CACNA1H: variants seen among roughly 807,000 people sequenced by gnomAD.
The protein encoded by CACNA1H is calcium voltage-gated channel subunit alpha1 H, also known as voltage-dependent T-type calcium channel subunit alpha-1H.
Under a neutral mutation model 192.5 loss-of-function variants are expected in CACNA1H, and 149 were observed. That is an observed-to-expected ratio of 0.77 (90% CI 0.68 to 0.89). The LOEUF (loss-of-function observed/expected upper bound fraction) is 0.89. Ranked by LOEUF, CACNA1H falls within the 40% of genes least tolerant of loss-of-function variation. The pLI is 0.00. For missense variants in CACNA1H, 4,257 were observed against 3,423.5 expected (o/e 1.24, Z -6.08); for synonymous variants, 2,202 against 1,475.2 (o/e 1.49, Z -11.29).
chr16:1,190,297 T>C (rs1207013255), intron 2 of CACNA1H, among the ~76,000 whole-genome samples: 2 of 152,258 alleles, frequency 1.3e-5, no homozygotes, highest in African/African-American at 2.4e-5. Context: ...CTAAAGGAAT[T>C]TTTAATTAAA....
In CACNA1H at chr16:1,175,726, C is replaced by G. The variant is rs181863015; in HGVS notation, c.300-19246C>G. 7.0e-3 allele frequency among the ~76,000 whole-genome samples: 1,060 copies of G among 152,280 alleles called. 5 individuals carry two copies. Among genetic ancestry groups the G allele is most frequent in the Non-Finnish European group, 0.011 (771 of 68,012 alleles). On this transcript the variant is annotated intron_variant, in intron 2 of 34. Coordinates refer to ENST00000348261, the MANE Select transcript of CACNA1H (RefSeq NM_021098.3). ...CAGATCTCCTTCCTAGAGGAAGATC[C>G]TGGGAGTGGGTTTTGAGGGCTGCGT...
At chr16:1,200,675 G>C (rs757874585) in intron 7 of CACNA1H, 41 bp from the exon 8 acceptor site, 1 of 1,571,386 alleles carries the variant, frequency 6.4e-7, no homozygotes. Context: ...GGAGGAGGAG[G>C]AGGGGTCGTG....
chr16:1,201,643 C>T lies in CACNA1H; in HGVS notation c.1213-20C>T, dbSNP rs543889283. Reference sequence around the variant, plus strand: ...AGACTCGCTCACTCACTGCCACTTACCCGCCCGCCCCCGTCACAGGTGGGC... The same window carrying T: ...AGACTCGCTCACTCACTGCCACTTATCCGCCCGCCCCCGTCACAGGTGGGC... On this transcript the variant is annotated intron_variant, in intron 8 of 34. Coordinates refer to ENST00000348261, the MANE Select transcript of CACNA1H (RefSeq NM_021098.3). 6.4e-7 allele frequency: 1 copy of T among 1,551,016 alleles called. No individual in the cohort carries two copies. The highest frequency in any genetic ancestry group is 8.7e-7 in the Non-Finnish European group (1 of 1,147,058).
At chr16:1,203,835 A>C (rs1014869485) in intron 9 of CACNA1H, among the ~76,000 whole-genome samples, 175 bp from the exon 10 acceptor site, 1 of 152,062 alleles carries the variant, frequency 6.6e-6, no homozygotes, top group Non-Finnish European at 1.5e-5. Context: ...AACCCATGAC[A>C]CCTGCAAAGA....
intron 2 of CACNA1H, among the ~76,000 whole-genome samples, chr16:1,155,342 C>T (rs1003014633): frequency 6.6e-6 from 1 of 152,176 alleles, no homozygotes; most frequent in African/African-American, 2.4e-5. Context: ...TGGGTGTCCC[C>T]GGGAGCCGAG....
chr16:1,187,504 C>T (rs1026999288), intron 2 of CACNA1H, among the ~76,000 whole-genome samples: 9 of 152,238 alleles, frequency 5.9e-5, no homozygotes, highest in East Asian at 3.8e-4. Context: ...CGCTTGTGCC[C>T]AGCTGTTGCA....
At chr16:1,197,777 C>A (rs920315016) in intron 5 of CACNA1H, among the ~76,000 whole-genome samples, 1 of 152,196 alleles carries the variant, frequency 6.6e-6, no homozygotes, top group Non-Finnish European at 1.5e-5. Context: ...GAGAACTCAG[C>A]GTCCCCAGGT....
intron 2 of CACNA1H, among the ~76,000 whole-genome samples, chr16:1,163,073 C>T (rs983209920): frequency 1.3e-5 from 2 of 152,232 alleles, no homozygotes; most frequent in African/African-American, 2.4e-5. Context: ...GTCCCTCACT[C>T]GTCACCCAGC....
intron 2 of CACNA1H, among the ~76,000 whole-genome samples, chr16:1,165,853 C>T (rs1963711540): frequency 6.6e-6 from 1 of 152,230 alleles, no homozygotes; most frequent in African/African-American, 2.4e-5. Context: ...GGAGCTGGTT[C>T]CTCTGCTCCC....
In CACNA1H at chr16:1,188,262, G is replaced by A. The variant is rs370653187; in HGVS notation, c.300-6710G>A. On this transcript the variant is annotated intron_variant, in intron 2 of 34. Transcript: ENST00000348261. ...TACCTGGGATGTTAGCTGATGTTTC[G>A]GGTTGGGGTTGTCCAGGACCACCCT... Among the ~76,000 whole-genome samples, 510 of 152,288 alleles carry A rather than the reference G, an allele frequency of 3.3e-3. 4 individuals carry two copies. Among genetic ancestry groups the A allele is most frequent in the South Asian group, 0.014 (69 of 4,828 alleles).
chr16:1,200,544 C>T lies in CACNA1H; in HGVS notation c.1092C>T (p.Ile364=), dbSNP rs370787853. The T allele has an allele frequency of 3.3e-5, 54 of 1,612,072 alleles. No individual in the cohort carries two copies. The highest frequency in any genetic ancestry group is 1.1e-4 in the African/African-American group (8 of 74,906). ...PHNGAINFDN[I]GYAWIAIFQV... is the part of the protein sequence containing the mutation. The stretch of plus-strand genomic sequence containing the variant: ...ACGGTGCCATCAACTTCGACAACAT[C>T]GGCTACGCCTGGATTGCCATCTTCC... The change falls in exon 7 of 35, where the codon ATC becomes ATT. Residue 364 remains isoleucine, a synonymous_variant. Coordinates refer to ENST00000348261, the MANE Select transcript of CACNA1H (RefSeq NM_021098.3).
chr16:1,190,514 AG>A (rs143763000), intron 2 of CACNA1H, among the ~76,000 whole-genome samples: 3,116 of 152,250 alleles, frequency 0.02, 88 homozygotes, highest in African/African-American at 0.06. Context: ...GCAGAGCCCC[AG>A]GGGGGCACTG....
intron 2 of CACNA1H, among the ~76,000 whole-genome samples, chr16:1,171,676 G>A (rs1047344411): frequency 2.0e-5 from 3 of 151,998 alleles, no homozygotes; most frequent in East Asian, 1.9e-4. Flanking sequence ...CGTCCTTCCC[G>A]CCTCCTGGGC....
At chr16:1,186,808 G>C (rs530952583) in intron 2 of CACNA1H, among the ~76,000 whole-genome samples, 1 of 152,194 alleles carries the variant, frequency 6.6e-6, no homozygotes, top group South Asian at 2.1e-4. Context: ...CAAGCAGTGC[G>C]CCCTGGTTCT....
At chr16:1,156,457 A>T (rs944872068) in intron 2 of CACNA1H, among the ~76,000 whole-genome samples, 10 of 152,128 alleles carry the variant, frequency 6.6e-5, no homozygotes, top group African/African-American at 2.4e-4. Flanking sequence ...GAGCCGGGGA[A>T]GCCCATGTGG....
In CACNA1H at chr16:1,218,460, C is replaced by G; in HGVS notation, c.5696C>G (p.Pro1899Arg). ...GCACGCCGGGTGGACGCGGACAGGC[C>G]TCCCTTGCCCCAGGAGAGTCCGGGC... ...GSARRVDADR[P>R]PLPQESPGAR... Residue 1899 changes from proline to arginine, a missense_variant, in exon 33 of 35, where the codon CCT becomes CGT. Pro to Arg is a moderately radical substitution (Grantham distance 103). Transcript: ENST00000348261. 1 of 1,551,544 alleles carries G rather than the reference C, an allele frequency of 6.4e-7. No individual in the cohort carries two copies. Among genetic ancestry groups the G allele is most frequent in the Non-Finnish European group, 8.7e-7 (1 of 1,147,826 alleles).
At chr16:1,211,641 C>G in intron 23 of CACNA1H, 35 bp downstream of exon 23, 1 of 1,609,672 alleles carries the variant, frequency 6.2e-7, no homozygotes, top group East Asian at 2.2e-5. Flanking sequence ...CTGGGGGTCT[C>G]CAGGACACCC....
intron 17 of CACNA1H, 31 bp downstream of exon 17, chr16:1,209,443 C>G: frequency 6.3e-7 from 1 of 1,589,212 alleles, no homozygotes; most frequent in Non-Finnish European, 8.5e-7. Context: ...CCACCGCCGA[C>G]TCGCCTTCGT....
intron 17 of CACNA1H, 64 bp downstream of exon 17, chr16:1,209,476 A>C (rs1969168086): frequency 6.4e-7 from 1 of 1,570,506 alleles, no homozygotes; most frequent in Non-Finnish European, 8.6e-7. Flanking sequence ...GGTTCCCTCA[A>C]GTGGGGTTTG....
Sources: gnomAD v4.1 joint callset for allele counts (sites outside exome capture counted in the v4.1 genomes callset) on GRCh38, gnomAD v4.1.1 for gene constraint, MANE v1.5 for transcripts, NCBI Gene and HGNC (gene_info 2026-07-23, HGNC 2026-07-21) for gene names.